The following MAP3K15 variants were observed in gnomAD, a reference collection of about 807,000 sequenced individuals.
MAP3K15 encodes the protein MAPK/ERK kinase kinase 15.
MAP3K15 carries 124 observed loss-of-function variants against 99.5 expected under a neutral mutation model. The observed-to-expected ratio is 1.25, with a 90% CI of 1.08 to 1.45. The LOEUF (loss-of-function observed/expected upper bound fraction) is 1.45, where lower values mean the gene tolerates loss of function less well. Among genes scored for constraint, MAP3K15 ranks in the 40% most tolerant of loss-of-function variants. MAP3K15 has a pLI of 0.00. For missense variants in MAP3K15, 1,242 were observed against 1,079.7 expected, an observed-to-expected ratio of 1.15 and a Z score of -2.11; for synonymous variants, 494 against 439.6, an observed-to-expected ratio of 1.12 and a Z score of -1.55.
In MAP3K15 at chrX:19,398,339, T is replaced by C. The variant is rs1277863808; in HGVS notation, c.1953A>G (p.Ala651=). The C allele has an allele frequency of 8.3e-7, 1 of 1,211,352 alleles. No individual in the cohort carries two copies. The highest frequency in any genetic ancestry group is 1.8e-5 in the South Asian group (1 of 56,939). ...DTLEYEYDHD[A]NGERVVLGKG... ...TCCCCAAGACAACTCTCTCACCATT[T>C]GCATCATGGTCATACTCATACTGAA... The change falls in exon 15 of 29, where the codon GCA becomes GCG. Residue 651 remains alanine (A), a synonymous_variant. Transcript: ENST00000338883.
At chrX:19,492,973 AT>A (rs918091295) in intron 1 of MAP3K15, among the ~76,000 whole-genome samples, 1 of 111,009 alleles carries the variant, frequency 9.0e-6, no homozygotes, top group Non-Finnish European at 1.9e-5. Flanking sequence ...GTCTCAAAAG[AT>A]TTTTTTTAAA....
chrX:19,447,895 A>AAAAAAAAG (rs2064012114), intron 6 of MAP3K15, among the ~76,000 whole-genome samples: 2 of 94,882 alleles, frequency 2.1e-5, no homozygotes, highest in Non-Finnish European at 4.3e-5. Flanking sequence ...AAAAAAAAAA[A>AAAAAAAAG]AAAAAAAAAA....
intron 26 of MAP3K15, 116 bp from the exon 27 acceptor site, chrX:19,361,709 T>A: frequency 2.0e-6 from 1 of 512,729 alleles, no homozygotes; most frequent in Non-Finnish European, 3.3e-6. Flanking sequence ...AGAGATGAAT[T>A]AACCCTGTAT....
intron 1 of MAP3K15, among the ~76,000 whole-genome samples, chrX:19,493,280 G>A (rs775344556): frequency 2.5e-4 from 26 of 104,910 alleles, no homozygotes; most frequent in Non-Finnish European, 1.7e-4. Flanking sequence ...GGGACCCACC[G>A]GCCTACCAAG....
At chrX:19,480,830 AAGGGCTGGGTATGGTGGCTC>A (rs2064283869) in intron 3 of MAP3K15, among the ~76,000 whole-genome samples, 1 of 105,222 alleles carries the variant, frequency 9.5e-6, no homozygotes, top group African/African-American at 3.5e-5. Flanking sequence ...AAAAAAAAAA[AAGGGCTGGGTATGGTGGCTC>A]ATGCCTGTAA....
At chrX:19,443,729 G>A (rs1268877633) in intron 6 of MAP3K15, among the ~76,000 whole-genome samples, 2 of 111,386 alleles carry the variant, frequency 1.8e-5, no homozygotes, top group Middle Eastern at 4.6e-3. Context: ...GACTGAAGGC[G>A]GATGAGGGCA....
At chrX:19,394,789 CTTTTT>C (rs144723219) in intron 16 of MAP3K15, among the ~76,000 whole-genome samples, 123 of 17,466 alleles carry the variant, frequency 7.0e-3, no homozygotes, top group Non-Finnish European at 0.014. Context: ...GGGTCTGTTG[CTTTTT>C]TTTTTTTTTT....
chrX:19,490,434 T>C (rs2064361009), intron 1 of MAP3K15, among the ~76,000 whole-genome samples: 2 of 111,029 alleles, frequency 1.8e-5, no homozygotes, highest in Non-Finnish European at 3.8e-5. Flanking sequence ...CTCACATGTC[T>C]ACCATCAACT....
chrX:19,380,528 C>T (rs1227388172), intron 18 of MAP3K15, among the ~76,000 whole-genome samples: 1 of 111,365 alleles, frequency 9.0e-6, no homozygotes, highest in East Asian at 2.8e-4. Context: ...AATATGGTTG[C>T]TTCTTTTTTT....
intron 16 of MAP3K15, among the ~76,000 whole-genome samples, chrX:19,394,789 CTTTTTTTTTTTT>C (rs144723219): frequency 2.9e-4 from 5 of 17,523 alleles, no homozygotes; most frequent in Non-Finnish European, 2.8e-4. Context: ...GGGTCTGTTG[CTTTTTTTTTTTT>C]TTTTTTTTTT....
chrX:19,441,750 A>G (rs189416740), intron 6 of MAP3K15, among the ~76,000 whole-genome samples: 1 of 112,101 alleles, frequency 8.9e-6, no homozygotes, highest in African/African-American at 3.2e-5. Context: ...GAGCCAATGC[A>G]TCCAGCCAAA....
chrX:19,360,114 CTTTTGTAATCATTCCAA>C lies in MAP3K15; in HGVS notation c.*618_*634del, dbSNP rs372190247. The C allele has an allele frequency of 1.1e-3, 162 of 144,517 alleles. No individual in the cohort carries two copies. Among genetic ancestry groups the C allele is most frequent in the Non-Finnish European group, 1.7e-3 (137 of 79,394 alleles). The allele number at this position is 144,517 out of a possible 1,213,427, so 11.9% of individuals were successfully genotyped here. A position where few individuals can be genotyped will look rare whatever the true frequency, so the allele number is the denominator to read the frequency against. ...AGGACAGTTCCATTTTAAAATAAGA[CTTTTGTAATCATTCCAA>C]TTTTGTAATCATTTCAAAGGCCACA... On this transcript the variant is annotated 3_prime_UTR_variant, in exon 29 of 29. Transcript: ENST00000338883.
In MAP3K15 at chrX:19,425,642, A is replaced by C. The variant is rs2063823566; in HGVS notation, c.1328T>G (p.Met443Arg). 3 of 1,198,873 alleles carry C rather than the reference A, an allele frequency of 2.5e-6. No homozygotes were observed. The highest frequency in any genetic ancestry group is 3.4e-6 in the Non-Finnish European group (3 of 894,554). ...CTGACCCACATCCCAGTAATTGTTC[A>C]TTTTCTCCAAGCTCCCTTTTCTTCC... ...LLGRKGSLEK[M>R]NNYWDVGQFF... is the part of the protein sequence containing the mutation. The change falls in exon 9 of 29, where the codon ATG (methionine) becomes AGG (arginine). Residue 443 changes from methionine (M) to arginine (R), a missense_variant. Met to Arg is a moderately conservative substitution (Grantham distance 91). Transcript: ENST00000338883.
chrX:19,489,455 T>C (rs946591648), intron 1 of MAP3K15, among the ~76,000 whole-genome samples: 3 of 110,953 alleles, frequency 2.7e-5, no homozygotes, highest in South Asian at 3.9e-4. Flanking sequence ...GTGTGCGCTA[T>C]AGAATGAACG....
chrX:19,442,517 T>C (rs1390784416), intron 6 of MAP3K15, among the ~76,000 whole-genome samples: 1 of 67,752 alleles, frequency 1.5e-5, no homozygotes, highest in East Asian at 5.5e-4. Context: ...CACTTACCCA[T>C]TCAACAATTT....
chrX:19,386,281 C>T (rs1255845710), intron 18 of MAP3K15, among the ~76,000 whole-genome samples: 1 of 111,093 alleles, frequency 9.0e-6, no homozygotes, highest in Non-Finnish European at 1.9e-5. Context: ...CATGGTGAAA[C>T]CCCGTCTCTA....
rs755726034 is a variant in MAP3K15 at position 19,485,047 on chromosome X, G to A, written c.525+1435C>T. On this transcript the variant is annotated intron_variant, in intron 3 of 28. Coordinates refer to ENST00000338883, the MANE Select transcript of MAP3K15 (RefSeq NM_001001671.4). ...ATCAAGGCTGGGTGAGGTGGCTCAC[G>A]CCTGTAATCTCAGCACTTTAGGAGG... Among the ~76,000 whole-genome samples, 3 of 111,055 alleles carry A rather than the reference G, an allele frequency of 2.7e-5. No individual in the cohort carries two copies. In the South Asian group the frequency reaches 1.2e-3, roughly 43 times the overall value.
intron 1 of MAP3K15, among the ~76,000 whole-genome samples, chrX:19,489,441 G>A (rs192359816): frequency 5.4e-5 from 6 of 110,832 alleles, no homozygotes; most frequent in Admixed American, 3.8e-4. Context: ...TTCCACGCAC[G>A]TGTGTGTGCG....
At chrX:19,488,063 G>T (rs774190476) in intron 2 of MAP3K15, among the ~76,000 whole-genome samples, 6 of 111,480 alleles carry the variant, frequency 5.4e-5, no homozygotes, top group Non-Finnish European at 9.4e-5. Context: ...ACTCAAGGCC[G>T]AGAAGCACTG....
Sources: allele counts gnomAD v4.1 joint callset (sites outside exome capture counted in the v4.1 genomes callset), GRCh38; gene constraint gnomAD v4.1.1; transcripts MANE v1.5; gene names NCBI Gene and HGNC (gene_info 2026-07-23, HGNC 2026-07-21).